ABHD17C: variants seen among roughly 807,000 people sequenced by gnomAD.
The protein encoded by ABHD17C is abhydrolase domain containing 17C, depalmitoylase, also known as alpha/beta hydrolase domain-containing protein 17C.
In ABHD17C, 11 loss-of-function variants were observed where a neutral mutation model predicts 27.9. The ratio of observed to expected loss-of-function variants is 0.39; its 90% CI spans 0.25 to 0.65. The LOEUF (loss-of-function observed/expected upper bound fraction) is 0.65. Among genes scored for constraint, ABHD17C ranks in the 30% least tolerant of loss-of-function variants. The pLI is 0.45. For synonymous variants in ABHD17C, 233 were observed against 209.1 expected (o/e 1.11, Z -0.98); for missense variants, 280 against 470.2 (o/e 0.60, Z 3.74).
chr15:80,741,495 GCA>G (rs1230700288), intron 1 of ABHD17C, among the ~76,000 whole-genome samples: 3 of 150,872 alleles, frequency 2.0e-5, no homozygotes, highest in South Asian at 2.1e-4. Flanking sequence ...AGCAAAATTA[GCA>G]CAGTTTTTTT....
chr15:80,707,761 C>T (rs1246197518), intron 1 of ABHD17C, among the ~76,000 whole-genome samples: 1 of 151,974 alleles, frequency 6.6e-6, no homozygotes, highest in Non-Finnish European at 1.5e-5. Flanking sequence ...TGGGGAGGGG[C>T]AGAGAGGCTT....
chr15:80,723,643 A>C lies in ABHD17C; in HGVS notation c.591-25870A>C, dbSNP rs1257287568. The stretch of plus-strand genomic sequence containing the variant: ...AGTTTATTAACTTACAATGAGAAAT[A>C]TTAGGTCAAGCGGATGTTTGCGTTG... On this transcript the variant is annotated intron_variant, in intron 1 of 2. Transcript: ENST00000258884. Among the ~76,000 whole-genome samples, 5 of 152,348 alleles carry C rather than the reference A, an allele frequency of 3.3e-5. No homozygotes were observed. The East Asian group carries it at 9.6e-4, about 29-fold the overall frequency.
At chr15:80,719,775 A>G (rs140475263) in intron 1 of ABHD17C, among the ~76,000 whole-genome samples, 6 of 151,976 alleles carry the variant, frequency 3.9e-5, no homozygotes, top group African/African-American at 1.4e-4. Flanking sequence ...TACATTTTAC[A>G]TTTCCTGAAT....
chr15:80,734,406 T>G (rs752713918), intron 1 of ABHD17C, among the ~76,000 whole-genome samples: 1 of 152,228 alleles, frequency 6.6e-6, no homozygotes. Context: ...TTCTGGCTTT[T>G]CCAACATGTT....
Position 80,695,358 on chromosome 15 carries a change from T to G in ABHD17C, c.-72T>G, listed in dbSNP as rs1894475022. On this transcript the variant is annotated 5_prime_UTR_variant, in exon 1 of 3. Transcript: ENST00000258884. This position sits in a 1 kb window ranked among gnomAD's most constrained non-coding sequence, Gnocchi z 4.3. The stretch of plus-strand genomic sequence containing the variant: ...CGCCTGCCAGCTCCCTCGCCGCGCG[T>G]CCGTCCTCCGTCCTCCCGGGCCAGC... 2.9e-6 allele frequency: 3 copies of G among 1,032,684 alleles called. No individual in the cohort carries two copies. The highest frequency in any genetic ancestry group is 1.0e-4 in the Admixed American group (2 of 19,320). 64.0% of individuals were successfully genotyped at this position (1,032,684 alleles called of 1,614,324 possible). A position where few individuals can be genotyped will look rare whatever the true frequency, so the allele number is the denominator to read the frequency against.
chr15:80,719,935 C>A (rs1178720969), intron 1 of ABHD17C, among the ~76,000 whole-genome samples: 2 of 152,130 alleles, frequency 1.3e-5, no homozygotes, highest in African/African-American at 4.8e-5. Context: ...GTAGCTGAGA[C>A]TACAAGTGCA....
At chr15:80,721,795 G>A (rs1894901060) in intron 1 of ABHD17C, among the ~76,000 whole-genome samples, 1 of 152,070 alleles carries the variant, frequency 6.6e-6, no homozygotes, top group Non-Finnish European at 1.5e-5. Context: ...TCAGACACAC[G>A]CAGCCAGTAG....
chr15:80,707,549 C>A (rs1180208492), intron 1 of ABHD17C, among the ~76,000 whole-genome samples: 1 of 150,904 alleles, frequency 6.6e-6, no homozygotes, highest in Non-Finnish European at 1.5e-5. Context: ...CTAATACTAG[C>A]AATAGCTGAT....
intron 1 of ABHD17C, among the ~76,000 whole-genome samples, chr15:80,716,958 C>T (rs933864865): frequency 3.3e-5 from 5 of 152,110 alleles, no homozygotes; most frequent in Non-Finnish European, 7.4e-5. Flanking sequence ...GTCTGTTCCC[C>T]CATGACCTCA....
intron 1 of ABHD17C, among the ~76,000 whole-genome samples, chr15:80,725,148 T>C (rs1010098816): frequency 1.7e-4 from 26 of 152,214 alleles, no homozygotes; most frequent in Non-Finnish European, 4.4e-5. Flanking sequence ...TGACTGCCTA[T>C]TGGGTATCAG....
At chr15:80,703,244 A>G (rs1053570132) in intron 1 of ABHD17C, 2 of 152,258 alleles carry the variant, frequency 1.3e-5, no homozygotes, top group Non-Finnish European at 2.9e-5. Flanking sequence ...GAGATAAGGC[A>G]TAAGAATGGA....
rs1279252193 is a variant in ABHD17C, at chr15:80,754,934, A to G, written c.*564A>G. Reference sequence around the variant, plus strand: ...GTGTACAGCTTCATCAACTGTAACCATATAAATATAACTGGAATATTCTTA... The same window carrying G: ...GTGTACAGCTTCATCAACTGTAACCGTATAAATATAACTGGAATATTCTTA... On this transcript the variant is annotated 3_prime_UTR_variant, in exon 3 of 3. Coordinates refer to ENST00000258884, the MANE Select transcript of ABHD17C (RefSeq NM_021214.2). The G allele has an allele frequency of 6.6e-6, 1 of 152,280 alleles. No homozygotes were observed. Among genetic ancestry groups the G allele is most frequent in the African/African-American group, 2.4e-5 (1 of 41,466 alleles). 9.4% of individuals were successfully genotyped at this position (152,280 alleles called of 1,614,324 possible).
chr15:80,730,426 A>G (rs990434850), intron 1 of ABHD17C, among the ~76,000 whole-genome samples: 1 of 152,196 alleles, frequency 6.6e-6, no homozygotes, highest in Non-Finnish European at 1.5e-5. Flanking sequence ...TGATGAATAC[A>G]TCTAGATGTT....
chr15:80,711,453 C>A (rs541901032), intron 1 of ABHD17C, among the ~76,000 whole-genome samples: 1 of 152,120 alleles, frequency 6.6e-6, no homozygotes, highest in Non-Finnish European at 1.5e-5. Context: ...CCAGGCAGCC[C>A]GCAGGTGATT....
At chr15:80,742,147 T>C (rs756025480) in intron 1 of ABHD17C, among the ~76,000 whole-genome samples, 7 of 152,116 alleles carry the variant, frequency 4.6e-5, no homozygotes, top group African/African-American at 1.7e-4. Flanking sequence ...TATATACATA[T>C]ATAAGAGGAG....
chr15:80,695,866 G>A lies in ABHD17C; in HGVS notation c.437G>A (p.Gly146Asp). The A allele has an allele frequency of 6.3e-7, 1 of 1,596,492 alleles. No individual in the cohort carries two copies. The highest frequency in any genetic ancestry group is 8.5e-7 in the Non-Finnish European group (1 of 1,178,960). Residue 146 changes from glycine to aspartate, a missense_variant, in exon 1 of 3, where the codon GGC becomes GAC. Gly to Asp is a moderately conservative substitution (Grantham distance 94). Around this residue, in one of 2 missense-constraint regions of ABHD17C, gnomAD observed 206 missense variants for 394.7 expected, o/e 0.52. Transcript: ENST00000258884. The surrounding 1 kb of genome is among the most constrained non-coding windows in gnomAD (Gnocchi z 4.3). ...LFSHGNAVDL[G>D]QMCSFYIGLG... ...TCGCACGGCAACGCCGTGGACCTGG[G>A]CCAGATGTGCAGCTTCTACATTGGC...
At chr15:80,715,777 A>G (rs939163889) in intron 1 of ABHD17C, among the ~76,000 whole-genome samples, 6 of 152,164 alleles carry the variant, frequency 3.9e-5, no homozygotes, top group Admixed American at 2.6e-4. Flanking sequence ...CGACTTTTAC[A>G]TGTTTTCAGG....
chr15:80,754,426 C>G lies in ABHD17C; in HGVS notation c.*56C>G. ...GTGAACAGAAGAGTCCTCTGTTTTG[C>G]ACATGCTTTAACTGGGTAGCTGTAA... is the stretch of plus-strand genomic sequence containing the variant. On this transcript the variant is annotated 3_prime_UTR_variant, in exon 3 of 3. Transcript: ENST00000258884. 6.9e-7 allele frequency: 1 copy of G among 1,455,242 alleles called. No homozygotes were observed. The highest frequency in any genetic ancestry group is 9.4e-7 in the Non-Finnish European group (1 of 1,063,752). The allele number at this position is 1,455,242 out of a possible 1,614,324, so 90.1% of individuals were successfully genotyped here. A position where few individuals can be genotyped will look rare whatever the true frequency, so the allele number is the denominator to read the frequency against.
chr15:80,723,138 A>ATGTGTGTGTGTG (rs57751486), intron 1 of ABHD17C, among the ~76,000 whole-genome samples: 2,162 of 124,982 alleles, frequency 0.017, 19 homozygotes, highest in African/African-American at 0.027. Context: ...GTGTGTATAT[A>ATGTGTGTGTGTG]TGTGTGTGTG....
Sources: gnomAD v4.1 joint callset for allele counts (sites outside exome capture counted in the v4.1 genomes callset) on GRCh38, gnomAD v4.1.1 for gene constraint, gnomAD v4.1.1 regional missense constraint, Gnocchi (gnomAD v3.1) non-coding constraint, MANE v1.5 for transcripts, NCBI Gene and HGNC (gene_info 2026-07-23, HGNC 2026-07-21) for gene names.